SLC30A4: variants seen among roughly 807,000 people sequenced by gnomAD.
SLC30A4 encodes probable proton-coupled zinc antiporter SLC30A4.
In SLC30A4, 20 loss-of-function variants were observed where a neutral mutation model predicts 41.7. The observed-to-expected ratio is 0.48, with a 90% confidence interval of 0.34 to 0.70. SLC30A4 has a LOEUF of 0.70. SLC30A4 is among the 30% of genes least tolerant of loss of function. The pLI, the probability that SLC30A4 is intolerant of heterozygous loss-of-function variation, is 0.01. For synonymous variants in SLC30A4, 181 were observed against 195.9 expected (o/e 0.92, Z 0.64); for missense variants, 441 against 529.3 (o/e 0.83, Z 1.64).
At chr15:45,508,465 TC>T (rs1395421071) in intron 3 of SLC30A4, among the ~76,000 whole-genome samples, 9 of 152,196 alleles carry the variant, frequency 5.9e-5, no homozygotes. Flanking sequence ...TCATTTCTGC[TC>T]ATCTCTGTCC....
chr15:45,490,259 T>C (rs1891785704), intron 4 of SLC30A4, among the ~76,000 whole-genome samples: 1 of 152,140 alleles, frequency 6.6e-6, no homozygotes, highest in African/African-American at 2.4e-5. Flanking sequence ...GCCTGGCTAA[T>C]TTTTATTTTT....
chr15:45,517,867 G>A (rs1037300179), intron 2 of SLC30A4, among the ~76,000 whole-genome samples: 6 of 152,214 alleles, frequency 3.9e-5, no homozygotes, highest in East Asian at 3.9e-4. Flanking sequence ...AGAATGGCAC[G>A]AACCCGGGAG....
chr15:45,520,571 G>A (rs929093622), intron 2 of SLC30A4, among the ~76,000 whole-genome samples: 1 of 152,126 alleles, frequency 6.6e-6, no homozygotes, highest in African/African-American at 2.4e-5. Flanking sequence ...CACTGCACCC[G>A]GCCGGGGTGT....
intron 6 of SLC30A4, 116 bp from the exon 7 acceptor site, chr15:45,486,861 A>C (rs894106296): frequency 3.6e-6 from 2 of 562,988 alleles, no homozygotes; most frequent in Non-Finnish European, 6.1e-6. Flanking sequence ...ACTTTAAACA[A>C]ATACTTTAAA....
intron 3 of SLC30A4, among the ~76,000 whole-genome samples, chr15:45,500,038 A>G (rs1329524099): frequency 6.6e-6 from 1 of 152,242 alleles, no homozygotes; most frequent in Non-Finnish European, 1.5e-5. Context: ...CCAAAGACTT[A>G]TGAGTTTAAA....
chr15:45,505,767 A>C (rs1467786361), intron 3 of SLC30A4, among the ~76,000 whole-genome samples: 1 of 152,184 alleles, frequency 6.6e-6, no homozygotes, highest in African/African-American at 2.4e-5. Context: ...TTATGTTTTC[A>C]AAAGGAAGTG....
At position 45,482,818 on chromosome 15, in the gene SLC30A4, G is replaced by T. The variant is rs936477990; in HGVS notation, c.*2345C>A. 1 of 152,044 alleles carries T rather than the reference G, an allele frequency of 6.6e-6. No homozygotes were observed. The highest frequency in any genetic ancestry group is 2.4e-5 in the African/African-American group (1 of 41,390). 9.4% of individuals were successfully genotyped at this position (152,044 alleles called of 1,614,324 possible). Reference sequence around the variant, plus strand: ...TTTTCCTTTTTGTTTTTGAGATAGGGTCTCATTTTGTTACTCAGGCTGCAG... The same window carrying T: ...TTTTCCTTTTTGTTTTTGAGATAGGTTCTCATTTTGTTACTCAGGCTGCAG... On this transcript the variant is annotated 3_prime_UTR_variant, in exon 8 of 8. Coordinates refer to ENST00000261867, the MANE Select transcript of SLC30A4 (RefSeq NM_013309.6).
chr15:45,507,499 C>CTTTTTTTTTTTTTTTTTT (rs527747375), intron 3 of SLC30A4, among the ~76,000 whole-genome samples: 1 of 136,512 alleles, frequency 7.3e-6, no homozygotes, highest in African/African-American at 2.7e-5. Flanking sequence ...TTTCTTTTTC[C>CTTTTTTTTTTTTTTTTTT]TTTTTTTTTT....
intron 3 of SLC30A4, among the ~76,000 whole-genome samples, chr15:45,505,187 C>T (rs986566788): frequency 2.7e-5 from 4 of 148,422 alleles, no homozygotes; most frequent in South Asian, 2.1e-4. Context: ...GCCAAGATTG[C>T]GCCATTGCAC....
At chr15:45,505,687 A>G (rs1202211299) in intron 3 of SLC30A4, among the ~76,000 whole-genome samples, 1 of 152,180 alleles carries the variant, frequency 6.6e-6, no homozygotes, top group Non-Finnish European at 1.5e-5. Flanking sequence ...AGAGTTGAGT[A>G]TACAGTATAC....
intron 2 of SLC30A4, among the ~76,000 whole-genome samples, chr15:45,515,548 G>C (rs1302301165): frequency 6.6e-6 from 1 of 151,940 alleles, no homozygotes; most frequent in Non-Finnish European, 1.5e-5. Context: ...AGCTACTTGG[G>C]AGACTGAGGC....
rs959971447 is a variant in SLC30A4 at position 45,487,390 on chromosome 15, C to T, written c.1000+137G>A. ...TTCATTAATTCTTACATGTTACATA[C>T]ATGTAAGGTACTGTTATATAGCCTA... On this transcript the variant is annotated intron_variant, in intron 6 of 7. Coordinates refer to ENST00000261867, the MANE Select transcript of SLC30A4 (RefSeq NM_013309.6). 8.5e-6 allele frequency: 4 copies of T among 472,400 alleles called. No homozygotes were observed. In the Admixed American group the frequency reaches 9.7e-5, roughly 12 times the overall value. The allele number at this position is 472,400 out of a possible 1,614,324, so 29.3% of individuals were successfully genotyped here. A position where few individuals can be genotyped will look rare whatever the true frequency, so the allele number is the denominator to read the frequency against.
rs1891589841 is a variant in SLC30A4, at chr15:45,480,702, A to G, written c.*4461T>C. On this transcript the variant is annotated 3_prime_UTR_variant, in exon 8 of 8. Coordinates refer to ENST00000261867, the MANE Select transcript of SLC30A4 (RefSeq NM_013309.6). ...TTCAAATGGGCTCATATTCTGTAAGAACACCATATTAAGTTGAGCCAATTA... is the reference window on the plus strand; with the variant it reads ...TTCAAATGGGCTCATATTCTGTAAGGACACCATATTAAGTTGAGCCAATTA... 1 of 152,240 alleles carries G rather than the reference A, an allele frequency of 6.6e-6. No individual in the cohort carries two copies. Among genetic ancestry groups the G allele is most frequent in the South Asian group, 2.1e-4 (1 of 4,830 alleles). The allele number at this position is 152,240 out of a possible 1,614,324, so 9.4% of individuals were successfully genotyped here.
intron 3 of SLC30A4, among the ~76,000 whole-genome samples, chr15:45,500,569 GTGTACA>G (rs1269761323): frequency 2.0e-5 from 3 of 152,056 alleles, no homozygotes; most frequent in Admixed American, 6.6e-5. Flanking sequence ...TTTAAGTCAG[GTGTACA>G]ACCAGTACAA....
At chr15:45,513,074 C>T (rs1036547688) in intron 2 of SLC30A4, among the ~76,000 whole-genome samples, 3 of 151,544 alleles carry the variant, frequency 2.0e-5, no homozygotes, top group Non-Finnish European at 2.9e-5. Flanking sequence ...CTGAGGCAGG[C>T]GGATCACCTG....
At chr15:45,506,425 A>G (rs1892157762) in intron 3 of SLC30A4, among the ~76,000 whole-genome samples, 1 of 152,180 alleles carries the variant, frequency 6.6e-6, no homozygotes, top group African/African-American at 2.4e-5. Context: ...CAAGTCTGGA[A>G]TTAGAGATCA....
intron 2 of SLC30A4, among the ~76,000 whole-genome samples, chr15:45,511,893 C>T (rs1892304817): frequency 6.6e-6 from 1 of 152,162 alleles, no homozygotes; most frequent in African/African-American, 2.4e-5. Flanking sequence ...GAAGCTTTTG[C>T]TTAACTTACT....
At chr15:45,501,395 G>T (rs1331861923) in intron 3 of SLC30A4, among the ~76,000 whole-genome samples, 1 of 152,094 alleles carries the variant, frequency 6.6e-6, no homozygotes, top group Admixed American at 6.6e-5. Flanking sequence ...TTTGGTAACT[G>T]GTTTCATTTA....
At chr15:45,516,730 C>T (rs11070460) in intron 2 of SLC30A4, among the ~76,000 whole-genome samples, 15 of 151,780 alleles carry the variant, frequency 9.9e-5, no homozygotes, top group Admixed American at 5.9e-4. Flanking sequence ...AGTAGCTGGG[C>T]GTGATGGTGT....
Sources: allele counts gnomAD v4.1 joint callset (sites outside exome capture counted in the v4.1 genomes callset), GRCh38; gene constraint gnomAD v4.1.1; transcripts MANE v1.5; gene names NCBI Gene and HGNC (gene_info 2026-07-23, HGNC 2026-07-21).